The following THAP4 variants were observed in gnomAD, a reference collection of about 807,000 sequenced individuals.
THAP4 encodes the protein THAP domain containing 4, also known as peroxynitrite isomerase THAP4.
THAP4 carries 18 observed loss-of-function variants against 48.1 expected under a neutral mutation model. The ratio of observed to expected loss-of-function variants is 0.37; its 90% CI spans 0.26 to 0.56. THAP4 has a LOEUF of 0.56. THAP4 is among the 20% of genes least tolerant of loss of function. The pLI is 0.78. For synonymous variants in THAP4, 345 were observed against 324.9 expected, an observed-to-expected ratio of 1.06 and a Z score of -0.66; for missense variants, 656 against 774.9, an observed-to-expected ratio of 0.85 and a Z score of 1.82.
At chr2:241,627,498 G>C (rs2067508194) in intron 2 of THAP4, among the ~76,000 whole-genome samples, 1 of 152,220 alleles carries the variant, frequency 6.6e-6, no homozygotes, top group South Asian at 2.1e-4. Flanking sequence ...TACGTCCACA[G>C]AACGCCACCG....
At chr2:241,595,945 G>A (rs891590095) in intron 5 of THAP4, among the ~76,000 whole-genome samples, 4 of 152,206 alleles carry the variant, frequency 2.6e-5, no homozygotes, top group African/African-American at 7.2e-5. Flanking sequence ...GCTACAATGC[G>A]ATGCTGGGCA....
At chr2:241,631,610 C>T (rs971000583) in intron 2 of THAP4, among the ~76,000 whole-genome samples, 16 of 152,036 alleles carry the variant, frequency 1.1e-4, no homozygotes, top group African/African-American at 3.6e-4. Flanking sequence ...GGACCACAGG[C>T]GTGCACCATG....
chr2:241,600,156 A>G (rs192723417), intron 5 of THAP4, among the ~76,000 whole-genome samples: 3 of 152,316 alleles, frequency 2.0e-5, no homozygotes, highest in Non-Finnish European at 4.4e-5. Context: ...AGATTGTGCC[A>G]CTGCACTCCA....
chr2:241,595,427 C>G (rs1437233710), intron 5 of THAP4, among the ~76,000 whole-genome samples: 1 of 152,084 alleles, frequency 6.6e-6, no homozygotes, highest in African/African-American at 2.4e-5. Context: ...CACCTAAGGT[C>G]AGGAGTTCAA....
intron 2 of THAP4, among the ~76,000 whole-genome samples, chr2:241,618,779 G>A (rs2067377276): frequency 6.6e-6 from 1 of 151,992 alleles, no homozygotes; most frequent in Admixed American, 6.6e-5. Context: ...CATTTTCATA[G>A]GTTTCACCTC....
At chr2:241,632,107 T>C (rs955452403) in intron 2 of THAP4, among the ~76,000 whole-genome samples, 1 of 151,746 alleles carries the variant, frequency 6.6e-6, no homozygotes, top group African/African-American at 2.4e-5. Context: ...GTCTTTTTTT[T>C]TTGGAGACAG....
chr2:241,585,627 G>T (rs1306870898), intron 5 of THAP4, among the ~76,000 whole-genome samples: 1 of 152,090 alleles, frequency 6.6e-6, no homozygotes, highest in Non-Finnish European at 1.5e-5. Flanking sequence ...TTGCTGCCCG[G>T]AAGTCAAGGG....
chr2:241,611,965 T>A (rs367883893), intron 2 of THAP4, among the ~76,000 whole-genome samples: 40 of 152,226 alleles, frequency 2.6e-4, no homozygotes, highest in African/African-American at 9.4e-4. Context: ...TGCAGTGGCA[T>A]GAATACGGTT....
intron 2 of THAP4, among the ~76,000 whole-genome samples, chr2:241,621,701 A>G (rs1051459356): frequency 6.6e-6 from 1 of 152,186 alleles, no homozygotes; most frequent in African/African-American, 2.4e-5. Flanking sequence ...AGATAAAAGG[A>G]GCAGAAGTAT....
chr2:241,605,127 C>T (rs1049261481), intron 3 of THAP4, among the ~76,000 whole-genome samples: 1 of 152,078 alleles, frequency 6.6e-6, no homozygotes, highest in African/African-American at 2.4e-5. Flanking sequence ...TTGTATTACC[C>T]AGAATTCTCA....
At chr2:241,625,494 AAAAAAGG>A (rs1229500593) in intron 2 of THAP4, among the ~76,000 whole-genome samples, 48 of 150,586 alleles carry the variant, frequency 3.2e-4, no homozygotes, top group African/African-American at 1.1e-3. Context: ...AAAAAAAAAA[AAAAAAGG>A]AAAAAGGAAA....
rs566456975 is a variant in THAP4 at position 241,623,277 on chromosome 2, A to G, written c.1240+9640T>C. ...AAAACCCCACTTTGAATATAAAAACATAGATTAAAAGTAAAGGGATAGGCC... is the reference window on the plus strand; with the variant it reads ...AAAACCCCACTTTGAATATAAAAACGTAGATTAAAAGTAAAGGGATAGGCC... On this transcript the variant is annotated intron_variant, in intron 2 of 5. Transcript: ENST00000407315. Among the ~76,000 whole-genome samples, 38 of 151,704 alleles carry G rather than the reference A, an allele frequency of 2.5e-4. 1 individual carries two copies. The South Asian group carries it at 7.9e-3, about 32-fold the overall frequency.
chr2:241,599,415 C>G (rs1002150976), intron 5 of THAP4, among the ~76,000 whole-genome samples: 5 of 152,150 alleles, frequency 3.3e-5, no homozygotes, highest in African/African-American at 1.2e-4. Context: ...TCCTGGCTGT[C>G]TGAAAGTTAC....
At chr2:241,628,224 C>G (rs564000748) in intron 2 of THAP4, among the ~76,000 whole-genome samples, 1 of 149,530 alleles carries the variant, frequency 6.7e-6, no homozygotes, top group African/African-American at 2.4e-5. Context: ...CTGGACCCGC[C>G]TCGGCTGCCC....
Position 241,633,469 on chromosome 2 carries a change from T to C in THAP4, c.688A>G (p.Lys230Glu), listed in dbSNP as rs1315841790. 6.2e-7 allele frequency: 1 copy of C among 1,613,926 alleles called. No individual in the cohort carries two copies. Among genetic ancestry groups the C allele is most frequent in the East Asian group, 2.2e-5 (1 of 44,868 alleles). Reference protein sequence around the residue: ...DFTPPGSGACKFIGSLHSYSF... With the variant: ...DFTPPGSGACEFIGSLHSYSF... ...TACGAATGAAGTGAGCCGATAAATT[T>C]GCACGCCCCAGATCCTGGGGGCGTA... Residue 230 changes from lysine to glutamate, a missense_variant, in exon 2 of 6, where the codon AAA (lysine) becomes GAA (glutamate). Transcript: ENST00000407315. This position sits in a 1 kb window ranked among gnomAD's most constrained non-coding sequence, Gnocchi z 7.5.
At chr2:241,602,943 C>G in intron 4 of THAP4, 27 bp downstream of exon 4, 2 of 1,572,036 alleles carry the variant, frequency 1.3e-6, no homozygotes, top group Non-Finnish European at 1.7e-6. Flanking sequence ...CATGGCCAGC[C>G]CTCCCGCCCC....
In THAP4 at chr2:241,633,156, G is replaced by A. The variant is rs751437367; in HGVS notation, c.1001C>T (p.Ser334Leu). The change falls in exon 2 of 6, where the codon TCG (serine) becomes TTG (leucine). Residue 334 changes from serine to leucine, a missense_variant. Ser to Leu is a moderately radical substitution (Grantham distance 145). Around this residue, in one of 4 missense-constraint regions of THAP4, gnomAD observed 391 missense variants for 412.4 expected, o/e 0.95. Coordinates refer to ENST00000407315, the MANE Select transcript of THAP4 (RefSeq NM_015963.6). The surrounding 1 kb of genome is among the most constrained non-coding windows in gnomAD (Gnocchi z 7.5). Reference sequence around the variant, plus strand: ...GATGAGCTTGCAGGCCCCTGACGCCGACAGGATGACCTCGTTGATGGACAT... The same window carrying A: ...GATGAGCTTGCAGGCCCCTGACGCCAACAGGATGACCTCGTTGATGGACAT... The part of the protein sequence containing the change: ...SPMSINEVIL[S>L]ASGACKLIDS... 11 of 1,609,442 alleles carry A rather than the reference G, an allele frequency of 6.8e-6. No homozygotes were observed. The highest frequency in any genetic ancestry group is 2.2e-5 in the East Asian group (1 of 44,794).
chr2:241,632,301 T>C (rs1283343512), intron 2 of THAP4, among the ~76,000 whole-genome samples: 1 of 152,146 alleles, frequency 6.6e-6, no homozygotes, highest in Non-Finnish European at 1.5e-5. Context: ...TGTTTCACCA[T>C]ATTGGCCAGG....
At chr2:241,631,893 CTTT>C (rs531274905) in intron 2 of THAP4, among the ~76,000 whole-genome samples, 4 of 141,580 alleles carry the variant, frequency 2.8e-5, no homozygotes, top group East Asian at 2.0e-4. Context: ...TATTGTATTT[CTTT>C]TTTTTTTTTT....
Sources: gnomAD v4.1 joint callset for allele counts (sites outside exome capture counted in the v4.1 genomes callset) on GRCh38, gnomAD v4.1.1 for gene constraint, gnomAD v4.1.1 regional missense constraint, Gnocchi (gnomAD v3.1) non-coding constraint, MANE v1.5 for transcripts, NCBI Gene and HGNC (gene_info 2026-07-23, HGNC 2026-07-21) for gene names.